The following MSH3 variants were observed in gnomAD, a reference collection of about 807,000 sequenced individuals.
The protein encoded by MSH3 is DNA mismatch repair protein Msh3.
Under a neutral mutation model 123.3 loss-of-function variants are expected in MSH3, and 106 were observed. The ratio of observed to expected loss-of-function variants is 0.86; its 90% confidence interval spans 0.73 to 1.01. The LOEUF (loss-of-function observed/expected upper bound fraction) is 1.01. Ranked by LOEUF, MSH3 falls within the 50% of genes least tolerant of loss-of-function variation. The pLI is 0.00. For synonymous variants in MSH3, 515 were observed against 481.4 expected (o/e 1.07, Z -0.91); for missense variants, 1,459 against 1,347.6 (o/e 1.08, Z -1.29).
chr5:80,710,765 A>G (rs1750841871), intron 8 of MSH3, among the ~76,000 whole-genome samples: 1 of 152,156 alleles, frequency 6.6e-6, no homozygotes, highest in East Asian at 1.9e-4. Flanking sequence ...TTAAAATATT[A>G]TTACTAAGGA....
intron 10 of MSH3, among the ~76,000 whole-genome samples, chr5:80,740,640 G>A (rs555566375): frequency 3.3e-5 from 5 of 152,080 alleles, no homozygotes; most frequent in South Asian, 2.1e-4. Context: ...GATTACAGGC[G>A]TGAGCCACTG....
chr5:80,708,042 T>C (rs990368997), intron 8 of MSH3, among the ~76,000 whole-genome samples: 3 of 152,234 alleles, frequency 2.0e-5, no homozygotes, highest in African/African-American at 7.2e-5. Flanking sequence ...TGAATAAAAA[T>C]CCTTTGTCAG....
chr5:80,829,581 G>A (rs1745384037), intron 20 of MSH3, among the ~76,000 whole-genome samples: 2 of 152,204 alleles, frequency 1.3e-5, no homozygotes, highest in Non-Finnish European at 2.9e-5. Flanking sequence ...CACTTAGGAT[G>A]AGTCCTACTT....
intron 8 of MSH3, among the ~76,000 whole-genome samples, chr5:80,705,520 A>G (rs947008485): frequency 2.0e-5 from 3 of 152,222 alleles, no homozygotes; most frequent in Non-Finnish European, 2.9e-5. Flanking sequence ...TGATTTGTTT[A>G]TAAGCCTGTC....
intron 17 of MSH3, among the ~76,000 whole-genome samples, chr5:80,783,389 G>A (rs1744442867): frequency 6.6e-6 from 1 of 152,126 alleles, no homozygotes; most frequent in South Asian, 2.1e-4. Flanking sequence ...TTTGAAGTTT[G>A]GCAAAGTGTA....
intron 11 of MSH3, among the ~76,000 whole-genome samples, chr5:80,742,104 G>A (rs980302568): frequency 2.6e-5 from 4 of 151,874 alleles, no homozygotes; most frequent in African/African-American, 9.7e-5. Context: ...CTGCCTCCCA[G>A]GTTCAAGCAA....
At chr5:80,693,496 T>C (rs1177938769) in intron 8 of MSH3, among the ~76,000 whole-genome samples, 2 of 149,714 alleles carry the variant, frequency 1.3e-5, no homozygotes, top group Non-Finnish European at 3.0e-5. Flanking sequence ...TATGCACATG[T>C]ATATGTTTAT....
intron 8 of MSH3, among the ~76,000 whole-genome samples, chr5:80,684,874 G>A (rs778392549): frequency 4.6e-5 from 7 of 151,972 alleles, no homozygotes; most frequent in Middle Eastern, 3.4e-3. Flanking sequence ...ATTATGAAGC[G>A]TTGTTGAATT....
chr5:80,852,235 C>A (rs925836319), intron 20 of MSH3, among the ~76,000 whole-genome samples: 5 of 152,116 alleles, frequency 3.3e-5, no homozygotes, highest in Admixed American at 3.3e-4. Flanking sequence ...CTGAGGTGGG[C>A]ACTCGCTTGA....
At chr5:80,860,485 C>A (rs245345) in intron 21 of MSH3, among the ~76,000 whole-genome samples, 64,976 of 146,948 alleles carry the variant, frequency 0.44, 15,431 homozygotes, top group Non-Finnish European at 0.54. Context: ...ATATTTTACT[C>A]CACTCTTTTC....
chr5:80,740,440 C>T (rs533081639), intron 10 of MSH3, among the ~76,000 whole-genome samples: 86 of 151,940 alleles, frequency 5.7e-4, no homozygotes, highest in African/African-American at 1.9e-3. Context: ...TCACTGCAAC[C>T]TCCGCCTCCC....
intron 16 of MSH3, among the ~76,000 whole-genome samples, chr5:80,778,240 C>T (rs1206690583): frequency 6.6e-6 from 1 of 152,166 alleles, no homozygotes; most frequent in Non-Finnish European, 1.5e-5. Context: ...TCTTAATTGC[C>T]TCCTGACTTA....
intron 2 of MSH3, among the ~76,000 whole-genome samples, chr5:80,659,817 A>G (rs1749389187): frequency 6.6e-6 from 1 of 152,014 alleles, no homozygotes; most frequent in East Asian, 1.9e-4. Context: ...CCTGGCGCCT[A>G]CCATTCAGCT....
At chr5:80,809,054 G>C (rs1296301727) in intron 19 of MSH3, among the ~76,000 whole-genome samples, 1 of 151,238 alleles carries the variant, frequency 6.6e-6, no homozygotes, top group Non-Finnish European at 1.5e-5. Flanking sequence ...TTAGTTTATA[G>C]GGCATTGGGA....
intron 17 of MSH3, among the ~76,000 whole-genome samples, chr5:80,782,862 C>T (rs1003252226): frequency 3.3e-5 from 5 of 152,118 alleles, no homozygotes; most frequent in African/African-American, 1.2e-4. Flanking sequence ...GTATTTGTCA[C>T]TTACTGAGGT....
intron 8 of MSH3, among the ~76,000 whole-genome samples, chr5:80,716,898 A>G (rs1039786235): frequency 1.3e-5 from 2 of 152,100 alleles, no homozygotes; most frequent in African/African-American, 4.8e-5. Context: ...TCTGGTAACC[A>G]TTATTCTACC....
At chr5:80,724,109 AG>A (rs1366709687) in intron 8 of MSH3, among the ~76,000 whole-genome samples, 1 of 152,240 alleles carries the variant, frequency 6.6e-6, no homozygotes, top group East Asian at 1.9e-4. Flanking sequence ...GGATATGTGC[AG>A]GCTACAACTG....
intron 8 of MSH3, among the ~76,000 whole-genome samples, chr5:80,711,679 G>A (rs1209658610): frequency 6.6e-6 from 1 of 151,530 alleles, no homozygotes; most frequent in African/African-American, 2.4e-5. Flanking sequence ...TTTTGACATG[G>A]TGTCTCATTC....
At chr5:80,817,782 C>T (rs1406857606) in intron 20 of MSH3, among the ~76,000 whole-genome samples, 3 of 152,110 alleles carry the variant, frequency 2.0e-5, no homozygotes, top group Non-Finnish European at 2.9e-5. Context: ...TAGAGTATCA[C>T]CCTTTTTGCA....
Sources: gnomAD v4.1 joint callset for allele counts (sites outside exome capture counted in the v4.1 genomes callset) on GRCh38, gnomAD v4.1.1 for gene constraint, MANE v1.5 for transcripts, NCBI Gene and HGNC (gene_info 2026-07-23, HGNC 2026-07-21) for gene names.